The following LIPI variants were observed in gnomAD, a reference collection of about 807,000 sequenced individuals.
LIPI encodes lipase member I.
Under a neutral mutation model 50.6 loss-of-function variants are expected in LIPI, and 59 were observed. That is an observed-to-expected ratio of 1.16 (90% CI 0.94 to 1.45). The LOEUF (loss-of-function observed/expected upper bound fraction) is 1.45, where lower values mean the gene tolerates loss of function less well. Ranked by LOEUF, LIPI falls within the 40% of genes most tolerant of loss-of-function variation. The probability of loss-of-function intolerance (pLI) is 0.00; values close to 1 mark genes in which losing one functional copy is unlikely to be tolerated. For synonymous variants in LIPI, 203 were observed against 178.2 expected, an observed-to-expected ratio of 1.14 and a Z score of -1.11; for missense variants, 586 against 536.3, an observed-to-expected ratio of 1.09 and a Z score of -0.92.
chr21:14,192,744 A>C (rs1180419377), intron 1 of LIPI, among the ~76,000 whole-genome samples: 1 of 152,180 alleles, frequency 6.6e-6, no homozygotes. Context: ...AGAATTCCAT[A>C]TCCAACAAAA....
At chr21:14,179,154 G>T (rs563413063) in intron 4 of LIPI, among the ~76,000 whole-genome samples, 104 of 152,162 alleles carry the variant, frequency 6.8e-4, no homozygotes, top group South Asian at 1.9e-3. Context: ...CAGCAAAAAT[G>T]TATGCCCTAA....
chr21:14,210,883 C>A lies in LIPI; in HGVS notation c.-38G>T. The stretch of plus-strand genomic sequence containing the variant: ...AAAAGCAAAAACAGCACTCAATTCA[C>A]CAAAAAGGAAATTCCGTAACTCATT... On this transcript the variant is annotated 5_prime_UTR_variant, in exon 1 of 10. Coordinates refer to ENST00000681601, the MANE Select transcript of LIPI (RefSeq NM_001302998.2). The A allele has an allele frequency of 8.4e-7, 1 of 1,196,518 alleles. No individual in the cohort carries two copies. The highest frequency in any genetic ancestry group is 1.6e-5 in the South Asian group (1 of 64,428). The allele number at this position is 1,196,518 out of a possible 1,614,324, so 74.1% of individuals were successfully genotyped here.
intron 4 of LIPI, among the ~76,000 whole-genome samples, chr21:14,172,801 G>A (rs1197102771): frequency 6.6e-6 from 1 of 151,782 alleles, no homozygotes. Context: ...CACCAGCATG[G>A]CACATGTATA....
intron 7 of LIPI, among the ~76,000 whole-genome samples, chr21:14,157,081 G>A (rs1247294726): frequency 6.6e-6 from 1 of 151,846 alleles, no homozygotes. Flanking sequence ...TTTAACCAAG[G>A]GGATTTATAA....
At chr21:14,147,544 T>C (rs1341801503) in intron 8 of LIPI, among the ~76,000 whole-genome samples, 1 of 152,162 alleles carries the variant, frequency 6.6e-6, no homozygotes, top group Non-Finnish European at 1.5e-5. Flanking sequence ...TTAAAATCTA[T>C]CTGCTATAGA....
chr21:14,172,976 AAAT>A (rs2018972953), intron 4 of LIPI, among the ~76,000 whole-genome samples: 1 of 152,226 alleles, frequency 6.6e-6, no homozygotes, highest in Non-Finnish European at 1.5e-5. Flanking sequence ...AGAGTATGTG[AAAT>A]AATAATAAGT....
At chr21:14,138,621 GA>G (rs1419258950) in intron 9 of LIPI, among the ~76,000 whole-genome samples, 1 of 151,710 alleles carries the variant, frequency 6.6e-6, no homozygotes, top group East Asian at 1.9e-4. Flanking sequence ...TATATATTTG[GA>G]AAAAATTGTC....
At position 14,144,735 on chromosome 21, in the gene LIPI, CAA is replaced by C. The variant is rs2123061291; in HGVS notation, c.1181_1182del (p.Phe394CysfsTer45). 2 of 1,575,720 alleles carry C rather than the reference CAA, an allele frequency of 1.3e-6. No individual in the cohort carries two copies. The highest frequency in any genetic ancestry group is 4.5e-5 in the East Asian group (2 of 44,558). ...GTCAAACCAATGCTTGAAATATTTA[CAA>C]AGTCATTATAAAATTGAGCAAGAAT... ...VKILAQFYND[F>X]VNISSIGLTY... On this transcript the variant is annotated frameshift_variant, in exon 9 of 10. Coordinates refer to ENST00000681601, the MANE Select transcript of LIPI (RefSeq NM_001302998.2). LOFTEE classifies it high-confidence loss of function.
chr21:14,141,142 T>C (rs570693709), intron 9 of LIPI, among the ~76,000 whole-genome samples: 2 of 152,300 alleles, frequency 1.3e-5, no homozygotes, highest in African/African-American at 2.4e-5. Context: ...GAGATCTGTA[T>C]CTTCTTTTCC....
At chr21:14,131,251 C>G (rs1179071497) in intron 9 of LIPI, among the ~76,000 whole-genome samples, 2 of 152,016 alleles carry the variant, frequency 1.3e-5, no homozygotes, top group East Asian at 3.9e-4. Flanking sequence ...CTTGGAGGCC[C>G]CAAAATCATC....
At chr21:14,144,941 A>T (rs942376273) in intron 8 of LIPI, 142 bp from the exon 9 acceptor site, 4 of 552,020 alleles carry the variant, frequency 7.2e-6, no homozygotes, top group Non-Finnish European at 1.3e-5. Context: ...TGCAGTATTT[A>T]TTAAAATAAT....
At chr21:14,149,609 T>C (rs944489827) in intron 8 of LIPI, among the ~76,000 whole-genome samples, 2 of 152,138 alleles carry the variant, frequency 1.3e-5, no homozygotes, top group Non-Finnish European at 2.9e-5. Context: ...CAAAAGCAAG[T>C]TAGTTACTTC....
At chr21:14,166,094 C>T (rs976983820) in intron 5 of LIPI, among the ~76,000 whole-genome samples, 15 of 152,144 alleles carry the variant, frequency 9.9e-5, no homozygotes, top group East Asian at 5.8e-4. Context: ...CAATGACTTA[C>T]GACTTCTCCT....
chr21:14,147,274 C>G (rs1334335313), intron 8 of LIPI, among the ~76,000 whole-genome samples: 1 of 152,056 alleles, frequency 6.6e-6, no homozygotes, highest in South Asian at 2.1e-4. Context: ...ATTGACATCC[C>G]CTATTTTAAT....
chr21:14,143,141 G>C (rs1454208192), intron 9 of LIPI, among the ~76,000 whole-genome samples: 1 of 152,128 alleles, frequency 6.6e-6, no homozygotes, highest in Non-Finnish European at 1.5e-5. Context: ...TTTTGGAAAA[G>C]AGAGAGTGAT....
chr21:14,175,945 G>A (rs1276008724), intron 4 of LIPI, among the ~76,000 whole-genome samples: 3 of 152,054 alleles, frequency 2.0e-5, no homozygotes, highest in Non-Finnish European at 4.4e-5. Flanking sequence ...TTGGGAGGCC[G>A]AGGCGGGCGG....
intron 4 of LIPI, among the ~76,000 whole-genome samples, chr21:14,171,398 G>A (rs1294345807): frequency 3.3e-4 from 49 of 150,038 alleles, no homozygotes; most frequent in African/African-American, 1.1e-3. Flanking sequence ...AAAAGAGCCC[G>A]CATCGCCAAG....
chr21:14,195,505 T>C (rs189055840), intron 1 of LIPI, among the ~76,000 whole-genome samples: 126 of 152,310 alleles, frequency 8.3e-4, no homozygotes, highest in African/African-American at 3.0e-3. Context: ...CAAGCTCTGC[T>C]TGCTTTCATT....
intron 1 of LIPI, among the ~76,000 whole-genome samples, chr21:14,208,684 T>C (rs1375762176): frequency 6.6e-6 from 1 of 152,242 alleles, no homozygotes; most frequent in Non-Finnish European, 1.5e-5. Context: ...CTTGCTTTGG[T>C]AACAAAGCTG....
Sources: gnomAD v4.1 joint callset for allele counts (sites outside exome capture counted in the v4.1 genomes callset) on GRCh38, gnomAD v4.1.1 for gene constraint, MANE v1.5 for transcripts, NCBI Gene and HGNC (gene_info 2026-07-23, HGNC 2026-07-21) for gene names.